Variants in PCGF3 observed in about 807,000 individuals in gnomAD.
PCGF3 encodes polycomb group RING finger protein 3.
Under a neutral mutation model 33.1 loss-of-function variants are expected in PCGF3, and 7 were observed. The ratio of observed to expected loss-of-function variants is 0.21; its 90% confidence interval spans 0.12 to 0.40. PCGF3 has a LOEUF of 0.40. Among genes scored for constraint, PCGF3 ranks in the 10% least tolerant of loss-of-function variants. The pLI is 1.00. For synonymous variants in PCGF3, 153 were observed against 121.3 expected (o/e 1.26, Z -1.72); for missense variants, 211 against 313.3 (o/e 0.67, Z 2.46).
intron 6 of PCGF3, among the ~76,000 whole-genome samples, chr4:740,878 C>G (rs372406206): frequency 1.1e-4 from 17 of 152,136 alleles, no homozygotes; most frequent in African/African-American, 4.1e-4. Context: ...GCCTGCCTGC[C>G]GGTGGCTTTG....
chr4:705,840 C>T (rs908529519), exon 1 of PCGF3: 3 of 152,136 alleles, frequency 2.0e-5, no homozygotes, highest in Non-Finnish European at 4.4e-5. Flanking sequence ...GCATTTCCGC[C>T]TCTTTGTTTT....
intron 4 of PCGF3, 94 bp downstream of exon 4, chr4:733,883 G>A: frequency 1.2e-6 from 2 of 1,600,016 alleles, no homozygotes; most frequent in Non-Finnish European, 1.7e-6. Context: ...CACGCTTTTA[G>A]CTCAAGCCCG....
exon 11 of PCGF3, chr4:767,568 T>C (rs1745437492): frequency 1.3e-5 from 2 of 152,204 alleles, no homozygotes; most frequent in African/African-American, 2.4e-5. Flanking sequence ...TGAATTTCGC[T>C]GTTTTCTTCT....
exon 11 of PCGF3, chr4:767,753 G>C (rs1035018374): frequency 1.3e-5 from 2 of 152,540 alleles, no homozygotes; most frequent in African/African-American, 4.8e-5. Flanking sequence ...CTCCCAGGAC[G>C]GTTTGAGTTA....
At chr4:752,769 G>A (rs1744582590) in intron 8 of PCGF3, among the ~76,000 whole-genome samples, 2 of 152,232 alleles carry the variant, frequency 1.3e-5, no homozygotes, top group Admixed American at 6.5e-5. Flanking sequence ...CAGACGGGAG[G>A]GGCCTGCGCG....
chr4:758,655 T>TGC (rs1560217465), intron 8 of PCGF3, among the ~76,000 whole-genome samples: 5 of 58,934 alleles, frequency 8.5e-5, no homozygotes, highest in East Asian at 1.1e-3. Context: ...GTTCTTCTCC[T>TGC]TCCGGACTCC....
intron 1 of PCGF3, among the ~76,000 whole-genome samples, chr4:707,256 G>A (rs879728064): frequency 1.3e-5 from 2 of 152,024 alleles, no homozygotes; most frequent in Admixed American, 1.3e-4. Context: ...ACGGAGGAGG[G>A]CCAGACGTAG....
At chr4:715,093 C>A (rs1188585774) in intron 1 of PCGF3, among the ~76,000 whole-genome samples, 13 of 132,038 alleles carry the variant, frequency 9.8e-5, no homozygotes, top group African/African-American at 3.9e-4. Context: ...GTGCTGGGAC[C>A]CTGTAGACTC....
At chr4:735,114 T>A in intron 5 of PCGF3, 87 bp downstream of exon 5, 2 of 1,401,460 alleles carry the variant, frequency 1.4e-6, no homozygotes, top group Non-Finnish European at 2.0e-6. Flanking sequence ...CCATTAGCGC[T>A]GTACTCCCAT....
rs11248035 is a variant in PCGF3 at position 720,230 on chromosome 4, G to T, written c.-189-10400G>T. Among the ~76,000 whole-genome samples the T allele has an allele frequency of 1.3e-5, 2 of 151,894 alleles. No individual in the cohort carries two copies. Among genetic ancestry groups the T allele is most frequent in the Non-Finnish European group, 2.9e-5 (2 of 67,928 alleles). On this transcript the variant is annotated intron_variant, in intron 1 of 10. Transcript: ENST00000362003. The surrounding 1 kb of genome is among the most constrained non-coding windows in gnomAD (Gnocchi z 5.6). ...AGGTGGCACACAGCACCTGTGTGCC[G>T]CTGGGGAGGGTGACCGCGGGAGGAG... is the stretch of plus-strand genomic sequence containing the variant.
chr4:769,638 CTCCCTCACCCTCCAGGTG>C (rs1278686557), exon 11 of PCGF3: 2 of 152,628 alleles, frequency 1.3e-5, no homozygotes, highest in African/African-American at 4.8e-5. Context: ...GCGCCGAGGT[CTCCCTCACCCTCCAGGTG>C]TCCTTCGCAC....
At chr4:738,722 G>A (rs577536223) in intron 6 of PCGF3, among the ~76,000 whole-genome samples, 1 of 152,166 alleles carries the variant, frequency 6.6e-6, no homozygotes, top group East Asian at 1.9e-4. Flanking sequence ...AGTCGGGCGT[G>A]GTGTCAGGTG....
At chr4:710,938 A>G (rs1420373809) in intron 1 of PCGF3, among the ~76,000 whole-genome samples, 1 of 152,228 alleles carries the variant, frequency 6.6e-6, no homozygotes, top group East Asian at 1.9e-4. Flanking sequence ...AAATGTTTTT[A>G]CCAGTTACAG....
chr4:761,312 C>T, exon 9 of PCGF3: 1 of 1,602,936 alleles, frequency 6.2e-7, no homozygotes, highest in Non-Finnish European at 8.5e-7. Context: ...CAGCAGCAAA[C>T]TGCGCGGGCT....
At chr4:724,937 G>A (rs912019703) in intron 1 of PCGF3, among the ~76,000 whole-genome samples, 2 of 151,904 alleles carry the variant, frequency 1.3e-5, no homozygotes, top group Non-Finnish European at 2.9e-5. Flanking sequence ...ACTCCAGCCT[G>A]GTGACAGAGC....
At chr4:743,800 C>T (rs1010816416) in intron 7 of PCGF3, 4 of 469,902 alleles carry the variant, frequency 8.5e-6, no homozygotes, top group Non-Finnish European at 1.5e-5. Context: ...CAGGGGAGAG[C>T]AGGAGGGCCC....
At chr4:726,885 G>A (rs1485460895) in intron 1 of PCGF3, among the ~76,000 whole-genome samples, 2 of 152,130 alleles carry the variant, frequency 1.3e-5, no homozygotes, top group African/African-American at 2.4e-5. Flanking sequence ...CCCAGAGCTC[G>A]GTCCCCGCAG....
exon 3 of PCGF3, chr4:731,010 G>C (rs928790165): frequency 2.5e-6 from 1 of 398,494 alleles, no homozygotes; most frequent in African/African-American, 2.1e-5. Context: ...GGGTGCAGAA[G>C]CGAGTCCGCG....
intron 6 of PCGF3, among the ~76,000 whole-genome samples, chr4:739,172 G>C (rs188419128): frequency 2.6e-5 from 4 of 152,318 alleles, no homozygotes; most frequent in East Asian, 1.9e-4. Context: ...ATTTCTAGTT[G>C]TCTCATAAAT....
Sources: allele counts gnomAD v4.1 joint callset (sites outside exome capture counted in the v4.1 genomes callset), GRCh38; gene constraint gnomAD v4.1.1; non-coding constraint Gnocchi (gnomAD v3.1); transcripts MANE v1.5; gene names NCBI Gene and HGNC (gene_info 2026-07-23, HGNC 2026-07-21).